The following ATP13A4 variants were observed in gnomAD, a reference collection of about 807,000 sequenced individuals.
ATP13A4 encodes the protein probable cation-transporting ATPase 13A4.
ATP13A4 carries 114 observed loss-of-function variants against 142.5 expected under a neutral mutation model. The ratio of observed to expected loss-of-function variants is 0.80; its 90% CI spans 0.69 to 0.93. The LOEUF is 0.93. Among genes scored for constraint, ATP13A4 ranks in the 40% least tolerant of loss-of-function variants. The pLI is 0.00. For missense variants in ATP13A4, 1,392 were observed against 1,454.0 expected, an observed-to-expected ratio of 0.96 and a Z score of 0.69; for synonymous variants, 488 against 514.8, an observed-to-expected ratio of 0.95 and a Z score of 0.70.
At chr3:193,474,091 G>A (rs1191065379) in intron 8 of ATP13A4, among the ~76,000 whole-genome samples, 3 of 151,940 alleles carry the variant, frequency 2.0e-5, no homozygotes, top group African/African-American at 2.4e-5. Flanking sequence ...AGGACGAGGC[G>A]GGTGGATCAT....
chr3:193,407,324 G>C lies in ATP13A4; in HGVS notation c.3367C>G (p.Leu1123Val), dbSNP rs147141866. Residue 1123 changes from leucine to valine, a missense_variant, in exon 29 of 30, where the codon CTT becomes GTT. Transcript: ENST00000342695. ...IMLSLNFIVS[L>V]VAEEAVIENR... ...ATCAGCACACTTACCTCGGCCACAA[G>C]GGACACAATGAAATTCAAGCTGAGC... 1 of 1,612,222 alleles carries C rather than the reference G, an allele frequency of 6.2e-7. No individual in the cohort carries two copies. The highest frequency in any genetic ancestry group is 1.7e-5 in the Admixed American group (1 of 59,978).
chr3:193,418,316 C>CA (rs60172777), intron 25 of ATP13A4, among the ~76,000 whole-genome samples: 8,084 of 104,854 alleles, frequency 0.077, 685 homozygotes, highest in East Asian at 0.27. Flanking sequence ...GACTCCATCT[C>CA]AAAAAAAAAA....
intron 1 of ATP13A4, 174 bp downstream of exon 1, chr3:193,554,566 C>T (rs922867896): frequency 3.9e-6 from 3 of 761,496 alleles, no homozygotes; most frequent in African/African-American, 3.4e-5. Context: ...GTTATATTTA[C>T]AGGATAGAGA....
At chr3:193,464,625 A>AG (rs146313887) in intron 12 of ATP13A4, among the ~76,000 whole-genome samples, 1,649 of 152,300 alleles carry the variant, frequency 0.011, 24 homozygotes, top group African/African-American at 0.034. Flanking sequence ...ACGATAGCAA[A>AG]GGGTTTAAAT....
rs1200107800 is a variant in ATP13A4, at chr3:193,483,650, G to GT, written c.808+285_808+286insA. On this transcript the variant is annotated intron_variant, in intron 8 of 29. Coordinates refer to ENST00000342695, the MANE Select transcript of ATP13A4 (RefSeq NM_032279.4). ...CGGCTAATTTTTTGTATTTTTGGTA[G>GT]AGACAGGGTTTCACCGTGTTAGCCA... is the stretch of plus-strand genomic sequence containing the variant. Among the ~76,000 whole-genome samples, 166 of 152,048 alleles carry GT rather than the reference G, an allele frequency of 1.1e-3. 1 individual carries two copies. In the East Asian group the frequency reaches 0.013, roughly 11 times the overall value.
chr3:193,410,447 T>G (rs1576932336), intron 28 of ATP13A4, among the ~76,000 whole-genome samples: 1 of 152,238 alleles, frequency 6.6e-6, no homozygotes, highest in Admixed American at 6.5e-5. Context: ...ATGCAGTGGC[T>G]TAAGCCTGTA....
intron 26 of ATP13A4, among the ~76,000 whole-genome samples, chr3:193,413,110 G>A (rs1714857251): frequency 6.6e-6 from 1 of 152,192 alleles, no homozygotes; most frequent in African/African-American, 2.4e-5. Context: ...AACATAAATT[G>A]TGAAGATTTC....
At chr3:193,467,526 C>T (rs750887345) in intron 9 of ATP13A4, 40 bp from the exon 10 acceptor site, 6 of 1,593,806 alleles carry the variant, frequency 3.8e-6, no homozygotes, top group East Asian at 4.5e-5. Context: ...GGCAGGATGG[C>T]TTCCCTCATT....
At chr3:193,535,298 C>T (rs1722533918) in intron 1 of ATP13A4, among the ~76,000 whole-genome samples, 1 of 152,112 alleles carries the variant, frequency 6.6e-6, no homozygotes, top group Non-Finnish European at 1.5e-5. Context: ...AAGCAGACCT[C>T]AACTAATTTA....
At chr3:193,542,172 T>C (rs1722965499) in intron 1 of ATP13A4, among the ~76,000 whole-genome samples, 1 of 152,146 alleles carries the variant, frequency 6.6e-6, no homozygotes, top group African/African-American at 2.4e-5. Flanking sequence ...AGCATTCCTA[T>C]ACACCAACAC....
chr3:193,548,951 A>G (rs1577072473), intron 1 of ATP13A4, among the ~76,000 whole-genome samples: 1 of 152,366 alleles, frequency 6.6e-6, no homozygotes, highest in East Asian at 1.9e-4. Flanking sequence ...TTGAAAACAT[A>G]TAAATGCCAA....
At chr3:193,526,410 C>T (rs1386467594) in intron 1 of ATP13A4, among the ~76,000 whole-genome samples, 2 of 152,050 alleles carry the variant, frequency 1.3e-5, no homozygotes, top group African/African-American at 4.8e-5. Flanking sequence ...AGAACACATG[C>T]ACACAGGGAG....
At chr3:193,448,946 G>A (rs191598521) in intron 17 of ATP13A4, among the ~76,000 whole-genome samples, 6 of 152,214 alleles carry the variant, frequency 3.9e-5, no homozygotes, top group South Asian at 2.1e-4. Context: ...CCCACAAAGG[G>A]GAGTTTTAGT....
chr3:193,553,961 A>G (rs1723739333), intron 1 of ATP13A4, among the ~76,000 whole-genome samples: 1 of 152,244 alleles, frequency 6.6e-6, no homozygotes, highest in Non-Finnish European at 1.5e-5. Context: ...CATTACTGGC[A>G]TAAAAGACTA....
intron 1 of ATP13A4, among the ~76,000 whole-genome samples, chr3:193,545,320 T>C (rs1438524006): frequency 6.6e-6 from 1 of 152,172 alleles, no homozygotes; most frequent in Admixed American, 6.5e-5. Flanking sequence ...CCTGCATGTG[T>C]ACCCACTGAA....
chr3:193,541,438 T>G (rs569316662), intron 1 of ATP13A4, among the ~76,000 whole-genome samples: 1 of 144,608 alleles, frequency 6.9e-6, no homozygotes, highest in East Asian at 2.0e-4. Context: ...CGATCACAGA[T>G]TATTAACCTG....
intron 2 of ATP13A4, among the ~76,000 whole-genome samples, chr3:193,578,327 ATAT>A (rs1560289035): frequency 6.6e-6 from 1 of 151,098 alleles, no homozygotes; most frequent in Non-Finnish European, 1.5e-5. Flanking sequence ...ATCTATATCT[ATAT>A]CTATATCTAT....
chr3:193,582,293 C>T (rs1425896008), intron 1 of ATP13A4, among the ~76,000 whole-genome samples: 2 of 149,438 alleles, frequency 1.3e-5, no homozygotes, highest in Non-Finnish European at 1.5e-5. Context: ...GGATTACAGG[C>T]GCACACCACT....
At chr3:193,451,686 TC>T (rs959938062) in intron 17 of ATP13A4, among the ~76,000 whole-genome samples, 3 of 152,194 alleles carry the variant, frequency 2.0e-5, no homozygotes, top group Non-Finnish European at 2.9e-5. Context: ...TGATTACATC[TC>T]ATGTTCTTAA....
Sources: gnomAD v4.1 joint callset for allele counts (sites outside exome capture counted in the v4.1 genomes callset) on GRCh38, gnomAD v4.1.1 for gene constraint, MANE v1.5 for transcripts, NCBI Gene and HGNC (gene_info 2026-07-23, HGNC 2026-07-21) for gene names.